The following CNTN4 variants were observed in gnomAD, a reference collection of about 807,000 sequenced individuals.
CNTN4 encodes contactin 4.
A neutral mutation model predicts 122.5 loss-of-function variants in CNTN4; 77 were observed. The ratio of observed to expected loss-of-function variants is 0.63; its 90% confidence interval spans 0.52 to 0.76. CNTN4 has a LOEUF of 0.76. Ranked by LOEUF, CNTN4 falls within the 30% of genes least tolerant of loss-of-function variation. The pLI, the probability that CNTN4 is intolerant of heterozygous loss-of-function variation, is 0.00. For missense variants in CNTN4, 1,256 were observed against 1,259.1 expected (o/e 1.00, Z 0.04); for synonymous variants, 512 against 447.0 (o/e 1.15, Z -1.83).
At chr3:2,131,199 T>C (rs1031427737) in intron 2 of CNTN4, among the ~76,000 whole-genome samples, 1 of 152,168 alleles carries the variant, frequency 6.6e-6, no homozygotes, top group African/African-American at 2.4e-5. Context: ...GAAACTTGCC[T>C]AAGGATACAT....
At chr3:3,029,205 A>G (rs1698970774) in intron 15 of CNTN4, among the ~76,000 whole-genome samples, 1 of 152,246 alleles carries the variant, frequency 6.6e-6, no homozygotes, top group African/African-American at 2.4e-5. Flanking sequence ...TTAAAATACC[A>G]TAGCTTTTCC....
chr3:2,911,154 G>A (rs545659052), intron 12 of CNTN4, among the ~76,000 whole-genome samples: 8 of 151,978 alleles, frequency 5.3e-5, no homozygotes, highest in African/African-American at 1.7e-4. Context: ...CTGAATCTAA[G>A]TGATGACAGA....
intron 2 of CNTN4, among the ~76,000 whole-genome samples, chr3:2,164,236 A>C (rs553765124): frequency 1.3e-5 from 2 of 152,160 alleles, no homozygotes; most frequent in Non-Finnish European, 1.5e-5. Flanking sequence ...TTGAGGAAAA[A>C]AAAAACAACA....
intron 7 of CNTN4, among the ~76,000 whole-genome samples, chr3:2,834,339 C>A (rs1412900739): frequency 2.0e-5 from 3 of 151,896 alleles, no homozygotes; most frequent in Admixed American, 6.6e-5. Context: ...CCGAGGTGGG[C>A]AGATCACTTG....
At chr3:2,630,722 G>A (rs2082393877) in intron 4 of CNTN4, among the ~76,000 whole-genome samples, 2 of 122,658 alleles carry the variant, frequency 1.6e-5, no homozygotes, top group African/African-American at 3.1e-5. Context: ...GTGTGTGTGT[G>A]TGTGTGTGTA....
chr3:2,735,737 G>C (rs554314561), intron 4 of CNTN4: 1 of 330,326 alleles, frequency 3.0e-6, no homozygotes, highest in Non-Finnish European at 5.9e-6. Context: ...GTGTATATTA[G>C]CAATACGGAG....
chr3:2,652,803 G>A (rs2083423455), intron 4 of CNTN4, among the ~76,000 whole-genome samples: 1 of 152,122 alleles, frequency 6.6e-6, no homozygotes, highest in Admixed American at 6.6e-5. Flanking sequence ...TCGCTTATCA[G>A]TGTGGTCACT....
At chr3:2,623,588 G>C (rs1004480565) in intron 4 of CNTN4, among the ~76,000 whole-genome samples, 1 of 152,182 alleles carries the variant, frequency 6.6e-6, no homozygotes, top group African/African-American at 2.4e-5. Context: ...TCTGCCTTTT[G>C]TCAAACTTAT....
rs547628311 is a variant in CNTN4, at chr3:2,229,384, A to G, written c.-144-109794A>G. On this transcript the variant is annotated intron_variant, in intron 2 of 24. Coordinates refer to ENST00000418658, the MANE Select transcript of CNTN4 (RefSeq NM_175607.3). Reference sequence around the variant, plus strand: ...TTTCCACATCAGCTTCCTGAAGTCCAGTGTTAAAAGATTGATTAAATGAAA... The same window carrying G: ...TTTCCACATCAGCTTCCTGAAGTCCGGTGTTAAAAGATTGATTAAATGAAA... Among the ~76,000 whole-genome samples the G allele has an allele frequency of 5.3e-5, 8 of 152,294 alleles. No homozygotes were observed. The South Asian group carries it at 1.7e-3, about 32-fold the overall frequency.
At position 3,017,093 on chromosome 3, in the gene CNTN4, C is replaced by A. The variant is rs116461577; in HGVS notation, c.1487-9009C>A. ...CTACTTCTGTGTTTTCTTCTGCCAC[C>A]TAAAAGGGCAGACTTCCTTGTCTTC... On this transcript the variant is annotated intron_variant, in intron 14 of 24. Coordinates refer to ENST00000418658, the MANE Select transcript of CNTN4 (RefSeq NM_175607.3). 4.5e-3 allele frequency among the ~76,000 whole-genome samples: 681 copies of A among 152,248 alleles called. 5 individuals are homozygous for A. The highest frequency in any genetic ancestry group is 0.015 in the African/African-American group (610 of 41,540).
intron 3 of CNTN4, among the ~76,000 whole-genome samples, chr3:2,426,155 A>T (rs1050860699): frequency 2.6e-5 from 4 of 152,268 alleles, no homozygotes; most frequent in African/African-American, 9.6e-5. Context: ...CAGTTTGCAA[A>T]CGAAATGGTT....
At chr3:2,204,750 C>T (rs79956312) in intron 2 of CNTN4, among the ~76,000 whole-genome samples, 1 of 151,980 alleles carries the variant, frequency 6.6e-6, no homozygotes, top group Non-Finnish European at 1.5e-5. Context: ...GCAAGGCCCC[C>T]CCATGGGATA....
chr3:2,689,772 C>T (rs898372486), intron 4 of CNTN4, among the ~76,000 whole-genome samples: 2 of 152,088 alleles, frequency 1.3e-5, no homozygotes, highest in African/African-American at 2.4e-5. Flanking sequence ...CACCTCCTCT[C>T]TCCTATACAC....
chr3:2,990,990 G>T (rs1271009103), intron 14 of CNTN4, among the ~76,000 whole-genome samples: 1 of 152,128 alleles, frequency 6.6e-6, no homozygotes, highest in African/African-American at 2.4e-5. Context: ...ACGTAAAGAA[G>T]TGAGTCGGTA....
intron 6 of CNTN4, among the ~76,000 whole-genome samples, chr3:2,802,720 A>G (rs2675317): frequency 0.36 from 54,513 of 151,824 alleles, 10,166 homozygotes; most frequent in Non-Finnish European, 0.4. Context: ...TGCTTGGGGC[A>G]ACTTTGCAGA....
intron 7 of CNTN4, among the ~76,000 whole-genome samples, chr3:2,838,237 C>G (rs550658288): frequency 6.6e-6 from 1 of 152,196 alleles, no homozygotes; most frequent in Non-Finnish European, 1.5e-5. Flanking sequence ...GTAAAGAATG[C>G]GAATGAAGGC....
intron 4 of CNTN4, among the ~76,000 whole-genome samples, chr3:2,733,516 T>A (rs2088841441): frequency 1.3e-5 from 2 of 150,636 alleles, no homozygotes; most frequent in African/African-American, 2.4e-5. Context: ...ATTTTTTTTT[T>A]AAAGTGCATG....
intron 3 of CNTN4, among the ~76,000 whole-genome samples, chr3:2,413,038 GCAGGATTCCATATGATTCTA>G (rs1389916700): frequency 2.0e-5 from 3 of 152,158 alleles, no homozygotes; most frequent in African/African-American, 2.4e-5. Context: ...AAAAATGTGT[GCAGGATTCCATATGATTCTA>G]CAGGATTCCA....
intron 3 of CNTN4, among the ~76,000 whole-genome samples, chr3:2,529,769 T>TATG (rs1322173365): frequency 6.6e-6 from 1 of 152,034 alleles, no homozygotes; most frequent in Non-Finnish European, 1.5e-5. Flanking sequence ...GTGACCACCA[T>TATG]ATGATGAGGA....
Sources: allele counts gnomAD v4.1 joint callset (sites outside exome capture counted in the v4.1 genomes callset), GRCh38; gene constraint gnomAD v4.1.1; transcripts MANE v1.5; gene names NCBI Gene and HGNC (gene_info 2026-07-23, HGNC 2026-07-21).